Variants in DOK5 observed in about 807,000 individuals in gnomAD.
DOK5 encodes downstream of tyrosine kinase 5.
In DOK5, 27 loss-of-function variants were observed where a neutral mutation model predicts 43.3. The observed-to-expected ratio is 0.62, with a 90% CI of 0.46 to 0.86. The LOEUF (loss-of-function observed/expected upper bound fraction) is 0.86. Among genes scored for constraint, DOK5 ranks in the 40% least tolerant of loss-of-function variants. The pLI, the probability that DOK5 is intolerant of heterozygous loss-of-function variation, is 0.00. For missense variants in DOK5, 373 were observed against 392.9 expected (o/e 0.95, Z 0.43); for synonymous variants, 146 against 140.1 (o/e 1.04, Z -0.30).
At chr20:54,593,984 G>C (rs182686689) in intron 5 of DOK5, among the ~76,000 whole-genome samples, 175 of 152,114 alleles carry the variant, frequency 1.2e-3, no homozygotes, top group African/African-American at 4.0e-3. Context: ...ACACATATGG[G>C]GCCTATCTGA....
chr20:54,549,241 C>T (rs1984445113), intron 1 of DOK5, among the ~76,000 whole-genome samples: 1 of 152,216 alleles, frequency 6.6e-6, no homozygotes, highest in Admixed American at 6.5e-5. Context: ...GGTTTTGACT[C>T]AGTAGACCTC....
intron 2 of DOK5, among the ~76,000 whole-genome samples, chr20:54,584,196 T>A (rs1985726862): frequency 6.6e-6 from 1 of 151,708 alleles, no homozygotes; most frequent in African/African-American, 2.4e-5. Context: ...TAGGAAATGA[T>A]TACTTTTATC....
intron 1 of DOK5, among the ~76,000 whole-genome samples, chr20:54,494,305 C>T (rs1450435617): frequency 1.3e-5 from 2 of 152,202 alleles, no homozygotes; most frequent in Non-Finnish European, 2.9e-5. Flanking sequence ...CAGTTGGATA[C>T]CTTAGCAAGA....
At chr20:54,639,504 T>C (rs769896957) in intron 6 of DOK5, among the ~76,000 whole-genome samples, 1 of 152,212 alleles carries the variant, frequency 6.6e-6, no homozygotes, top group Non-Finnish European at 1.5e-5. Flanking sequence ...ATTTTGTGAA[T>C]GGGAGGTTTT....
chr20:54,632,933 C>T (rs1445285260), intron 6 of DOK5, among the ~76,000 whole-genome samples: 2 of 152,012 alleles, frequency 1.3e-5, no homozygotes, highest in African/African-American at 2.4e-5. Context: ...AGAAATTAGC[C>T]AGGCGTGGTG....
At chr20:54,610,300 C>T (rs1012486179) in intron 5 of DOK5, 88 bp from the exon 6 acceptor site, 21 of 1,257,004 alleles carry the variant, frequency 1.7e-5, no homozygotes, top group Admixed American at 1.2e-4. Context: ...AATAAATGGG[C>T]GCAGCCTAAT....
chr20:54,570,376 G>A (rs751674737), intron 2 of DOK5, among the ~76,000 whole-genome samples: 40 of 152,148 alleles, frequency 2.6e-4, no homozygotes, highest in Non-Finnish European at 5.0e-4. Flanking sequence ...TTTATTTTCG[G>A]TAGGATAATG....
chr20:54,603,027 A>T (rs1177045828), intron 5 of DOK5, among the ~76,000 whole-genome samples: 1 of 152,210 alleles, frequency 6.6e-6, no homozygotes, highest in Admixed American at 6.5e-5. Flanking sequence ...CTGGTTTGCT[A>T]TTGATGTGAT....
chr20:54,520,167 T>C (rs1276391631), intron 1 of DOK5, among the ~76,000 whole-genome samples: 1 of 152,172 alleles, frequency 6.6e-6, no homozygotes, highest in Admixed American at 6.5e-5. Flanking sequence ...CGTAAGTCCT[T>C]GTCATCTCAG....
At chr20:54,492,937 C>A (rs1230548407) in intron 1 of DOK5, among the ~76,000 whole-genome samples, 2 of 151,548 alleles carry the variant, frequency 1.3e-5, no homozygotes, top group Non-Finnish European at 2.9e-5. Flanking sequence ...CGCCTGTAAT[C>A]CCAGTTACTC....
chr20:54,504,941 C>T (rs1982751068), intron 1 of DOK5, among the ~76,000 whole-genome samples: 1 of 152,080 alleles, frequency 6.6e-6, no homozygotes, highest in South Asian at 2.1e-4. Flanking sequence ...GAGTTTCTGG[C>T]AGACCTACTA....
At chr20:54,562,192 A>C (rs943119307) in intron 2 of DOK5, among the ~76,000 whole-genome samples, 3 of 152,170 alleles carry the variant, frequency 2.0e-5, no homozygotes, top group Admixed American at 6.5e-5. Flanking sequence ...CATGCAAAGT[A>C]GGTACTTTGG....
rs540947823 is a variant in DOK5 at position 54,562,038 on chromosome 20, TCATC to T, written c.174+7001_174+7004del. ...TTAGAGATGTAGTAAAATTTCCTCATCATCCAATGCACTCTGGGTAGGGAATTCT... is the reference window on the plus strand; with the variant it reads ...TTAGAGATGTAGTAAAATTTCCTCATCAATGCACTCTGGGTAGGGAATTCT... On this transcript the variant is annotated intron_variant, in intron 2 of 7. Coordinates refer to ENST00000262593, the MANE Select transcript of DOK5 (RefSeq NM_018431.5). Among the ~76,000 whole-genome samples, 27 of 152,328 alleles carry T rather than the reference TCATC, an allele frequency of 1.8e-4. 1 individual carries two copies. The East Asian group carries it at 4.8e-3, about 27-fold the overall frequency.
chr20:54,564,034 T>C (rs1985006346), intron 2 of DOK5, among the ~76,000 whole-genome samples: 1 of 152,214 alleles, frequency 6.6e-6, no homozygotes, highest in African/African-American at 2.4e-5. Flanking sequence ...TCATACTTTA[T>C]TGCGTTGGAC....
At chr20:54,514,586 CTTTTT>C (rs199776939) in intron 1 of DOK5, among the ~76,000 whole-genome samples, 25 of 100,926 alleles carry the variant, frequency 2.5e-4, no homozygotes, top group African/African-American at 7.0e-4. Context: ...AAGTTTTACT[CTTTTT>C]TTTTTTTTTT....
At chr20:54,508,338 T>C (rs1982889358) in intron 1 of DOK5, among the ~76,000 whole-genome samples, 1 of 151,640 alleles carries the variant, frequency 6.6e-6, no homozygotes, top group Admixed American at 6.6e-5. Flanking sequence ...AGTTTCATTA[T>C]TTTTTTCTTT....
At chr20:54,565,067 T>C (rs943582644) in intron 2 of DOK5, among the ~76,000 whole-genome samples, 2 of 152,210 alleles carry the variant, frequency 1.3e-5, no homozygotes, top group African/African-American at 4.8e-5. Flanking sequence ...AGGGCCTTAT[T>C]TGAATACTCC....
At chr20:54,504,176 C>T (rs887867698) in intron 1 of DOK5, among the ~76,000 whole-genome samples, 1 of 152,022 alleles carries the variant, frequency 6.6e-6, no homozygotes, top group Non-Finnish European at 1.5e-5. Context: ...ATCTGGCTAC[C>T]CTCAATATGG....
intron 2 of DOK5, among the ~76,000 whole-genome samples, chr20:54,570,295 A>G (rs1380054561): frequency 6.6e-6 from 1 of 152,246 alleles, no homozygotes; most frequent in Non-Finnish European, 1.5e-5. Flanking sequence ...TTGTGGACTC[A>G]GAAATGGATG....
Sources: allele counts gnomAD v4.1 joint callset (sites outside exome capture counted in the v4.1 genomes callset), GRCh38; gene constraint gnomAD v4.1.1; transcripts MANE v1.5; gene names NCBI Gene and HGNC (gene_info 2026-07-23, HGNC 2026-07-21).